USP43: variants seen among roughly 807,000 people sequenced by gnomAD.
The protein encoded by USP43 is ubiquitin specific peptidase 43, also known as ubiquitin carboxyl-terminal hydrolase 43.
A neutral mutation model predicts 90.7 loss-of-function variants in USP43; 33 were observed. The ratio of observed to expected loss-of-function variants is 0.36; its 90% confidence interval spans 0.28 to 0.49. The LOEUF (loss-of-function observed/expected upper bound fraction) is 0.49, where lower values mean the gene tolerates loss of function less well. Ranked by LOEUF, USP43 falls within the 20% of genes least tolerant of loss-of-function variation. The pLI, the probability that USP43 is intolerant of heterozygous loss-of-function variation, is 0.98. For missense variants in USP43, 1,274 were observed against 1,476.4 expected, an observed-to-expected ratio of 0.86 and a Z score of 2.25; for synonymous variants, 598 against 615.8, an observed-to-expected ratio of 0.97 and a Z score of 0.43.
chr17:9,712,868 C>T (rs1916287630), intron 14 of USP43, among the ~76,000 whole-genome samples: 1 of 152,084 alleles, frequency 6.6e-6, no homozygotes. Context: ...AATAATTGTA[C>T]ATATATTTGG....
At position 9,646,086 on chromosome 17, in the gene USP43, C is replaced by G; in HGVS notation, c.454C>G (p.Arg152Gly). The change falls in exon 1 of 15, where the codon CGC (arginine) becomes GGC (glycine). Residue 152 changes from arginine (R) to glycine (G), a missense_variant. Physicochemically the swap from Arg to Gly is moderately radical, Grantham distance 125. Coordinates refer to ENST00000285199, the MANE Select transcript of USP43 (RefSeq NM_153210.5). ...CACCGAGCAGCTGGCGGCGCTGGTG[C>G]GCGCGCTCTGGACTCGCGAATACAC... Reference protein sequence around the residue: ...EVTEQLAALVRALWTREYTPQ... With the variant: ...EVTEQLAALVGALWTREYTPQ... 1 of 1,505,226 alleles carries G rather than the reference C, an allele frequency of 6.6e-7. No individual in the cohort carries two copies. The highest frequency in any genetic ancestry group is 8.9e-7 in the Non-Finnish European group (1 of 1,127,586). The allele number at this position is 1,505,226 out of a possible 1,614,324, so 93.2% of individuals were successfully genotyped here.
intron 14 of USP43, among the ~76,000 whole-genome samples, chr17:9,724,666 G>A (rs1917161726): frequency 6.6e-6 from 1 of 152,230 alleles, no homozygotes; most frequent in Non-Finnish European, 1.5e-5. Flanking sequence ...GGGGACAAGA[G>A]CGAGACTCTG....
At chr17:9,649,382 AT>A (rs1330246686) in intron 1 of USP43, among the ~76,000 whole-genome samples, 2 of 151,800 alleles carry the variant, frequency 1.3e-5, no homozygotes, top group African/African-American at 4.8e-5. Context: ...TAAATTTTAT[AT>A]TTTTATTTTA....
At chr17:9,689,090 G>A (rs941715732) in intron 8 of USP43, among the ~76,000 whole-genome samples, 5 of 152,230 alleles carry the variant, frequency 3.3e-5, no homozygotes, top group East Asian at 1.9e-4. Flanking sequence ...ACAGATTCAC[G>A]GGTGAATGTA....
chr17:9,710,327 G>T (rs184153049), intron 13 of USP43, among the ~76,000 whole-genome samples: 1 of 152,080 alleles, frequency 6.6e-6, no homozygotes, highest in Non-Finnish European at 1.5e-5. Context: ...AAGGGGAAAA[G>T]AATAATTGTT....
At chr17:9,648,614 C>A (rs184917660) in intron 1 of USP43, among the ~76,000 whole-genome samples, 1 of 152,030 alleles carries the variant, frequency 6.6e-6, no homozygotes, top group Non-Finnish European at 1.5e-5. Flanking sequence ...GGTAACCAAC[C>A]GCTGAGTTGA....
chr17:9,701,372 GAA>G lies in USP43; in HGVS notation c.1684_1685del (p.Lys562ValfsTer21). The G allele has an allele frequency of 6.3e-7, 1 of 1,599,956 alleles. No homozygotes were observed. The highest frequency in any genetic ancestry group is 8.5e-7 in the Non-Finnish European group (1 of 1,173,562). ...TCCAGCTGGCCCAGGATGACGCCTG[GAA>G]GTGTCCTCACTGCCAAGTCCTGCAG... ...EEQLAQDDAW[K>X]CPHCQVLQQG... On this transcript the variant is annotated frameshift_variant, in exon 12 of 15. Transcript: ENST00000285199. LOFTEE classifies it high-confidence loss of function. The surrounding 1 kb of genome is among the most constrained non-coding windows in gnomAD (Gnocchi z 7.2).
rs577787620 is a variant in USP43 at position 9,728,402 on chromosome 17, G to T, written c.2784G>T (p.Lys928Asn). Residue 928 changes from lysine (K) to asparagine (N), a missense_variant, in exon 15 of 15, where the codon AAG (lysine) becomes AAT (asparagine). Coordinates refer to ENST00000285199, the MANE Select transcript of USP43 (RefSeq NM_153210.5). This position sits in a 1 kb window ranked among gnomAD's most constrained non-coding sequence, Gnocchi z 6.2. ...GGCAGGACATCAAGCTTCCCAGAAA[G>T]TTTGACCTGCCTCTCACTGTGATGC... Reference protein sequence around the residue: ...NAGQDIKLPRKFDLPLTVMPS... With the variant: ...NAGQDIKLPRNFDLPLTVMPS... 1.9e-6 allele frequency: 3 copies of T among 1,608,716 alleles called. No homozygotes were observed. In the East Asian group the frequency reaches 6.7e-5, roughly 36 times the overall value.
Position 9,691,448 on chromosome 17 carries a change from G to A in USP43, c.1354-1679G>A, listed in dbSNP as rs1046870241. Among the ~76,000 whole-genome samples, 12 of 152,134 alleles carry A rather than the reference G, an allele frequency of 7.9e-5. No homozygotes were observed. The East Asian group carries it at 2.3e-3, about 30-fold the overall frequency. On this transcript the variant is annotated intron_variant, in intron 8 of 14. Coordinates refer to ENST00000285199, the MANE Select transcript of USP43 (RefSeq NM_153210.5). ...CATTTTTAAGGCTAAATAATATTCTGTTGTGTATATATCCCACATTTTGTT... is the reference window on the plus strand; with the variant it reads ...CATTTTTAAGGCTAAATAATATTCTATTGTGTATATATCCCACATTTTGTT...
At chr17:9,650,844 A>T (rs896872218) in intron 1 of USP43, among the ~76,000 whole-genome samples, 1 of 152,154 alleles carries the variant, frequency 6.6e-6, no homozygotes. Flanking sequence ...GCATATTTTT[A>T]AAAATTTTAA....
At chr17:9,717,657 C>T (rs73259656) in intron 14 of USP43, among the ~76,000 whole-genome samples, 8,045 of 151,892 alleles carry the variant, frequency 0.053, 310 homozygotes, top group African/African-American at 0.1. Context: ...ATTGTCTGCA[C>T]GGTCTCAGTG....
At chr17:9,717,763 C>T (rs186445563) in intron 14 of USP43, among the ~76,000 whole-genome samples, 11 of 151,892 alleles carry the variant, frequency 7.2e-5, no homozygotes, top group Non-Finnish European at 1.2e-4. Context: ...AAATAATTAT[C>T]TTACTCGTTA....
chr17:9,666,792 C>G, intron 3 of USP43, 41 bp downstream of exon 3: 1 of 1,499,804 alleles, frequency 6.7e-7, no homozygotes, highest in Non-Finnish European at 9.2e-7. Flanking sequence ...CCCGAGGGCT[C>G]CGCAGACTCA....
chr17:9,728,769 C>G lies in USP43; in HGVS notation c.3151C>G (p.Leu1051Val), dbSNP rs765051778. 6.2e-7 allele frequency: 1 copy of G among 1,606,790 alleles called. No homozygotes were observed. Among genetic ancestry groups the G allele is most frequent in the Non-Finnish European group, 8.5e-7 (1 of 1,176,300 alleles). Residue 1051 changes from leucine to valine, a missense_variant, in exon 15 of 15, where the codon CTG becomes GTG. This residue lies in a region of USP43 where 353 missense variants were observed against 329.7 expected (regional missense o/e 1.07). Coordinates refer to ENST00000285199, the MANE Select transcript of USP43 (RefSeq NM_153210.5). The surrounding 1 kb of genome is among the most constrained non-coding windows in gnomAD (Gnocchi z 6.2). ...TCCTGCCCTCAGGATCCCAGAGGGC[C>G]TGGCCAGGGGCCTGGGCAGCCGGCT... is the stretch of plus-strand genomic sequence containing the variant. ...SPPALRIPEG[L>V]ARGLGSRLER...
chr17:9,674,745 T>G lies in USP43; in HGVS notation c.741-146T>G. The G allele has an allele frequency of 2.8e-6, 2 of 715,894 alleles. No individual in the cohort carries two copies. The highest frequency in any genetic ancestry group is 4.4e-5 in the Admixed American group (2 of 45,936). 44.3% of individuals were successfully genotyped at this position (715,894 alleles called of 1,614,324 possible). ...GCTATGAACACTTGTGTACAAGTAT[T>G]TGAACACCTGTTCTCAATTCTTCTG... On this transcript the variant is annotated intron_variant, in intron 3 of 14. Transcript: ENST00000285199. This position sits in a 1 kb window ranked among gnomAD's most constrained non-coding sequence, Gnocchi z 4.4.
chr17:9,724,386 A>G (rs1917140134), intron 14 of USP43, among the ~76,000 whole-genome samples: 1 of 152,188 alleles, frequency 6.6e-6, no homozygotes, highest in South Asian at 2.1e-4. Flanking sequence ...CGGCTCAAGA[A>G]ACATCATATG....
chr17:9,712,228 G>A (rs1030622840), intron 14 of USP43, 96 bp downstream of exon 14: 1 of 1,366,528 alleles, frequency 7.3e-7, no homozygotes, highest in Non-Finnish European at 9.6e-7. Context: ...AGTCTTGAAT[G>A]GAAAGGGTCC....
chr17:9,710,606 G>A (rs575327732), intron 13 of USP43, among the ~76,000 whole-genome samples: 26 of 144,930 alleles, frequency 1.8e-4, no homozygotes, highest in Non-Finnish European at 3.0e-4. Context: ...TTGGGTTCAA[G>A]CGATTCTCCT....
chr17:9,673,106 G>C lies in USP43; in HGVS notation c.741-1785G>C, dbSNP rs1317816259. Reference sequence around the variant, plus strand: ...CTGTGTCCTCAGCGAAGTTAATGTAGATTTTAGGATTAGTAACATAGCATG... The same window carrying C: ...CTGTGTCCTCAGCGAAGTTAATGTACATTTTAGGATTAGTAACATAGCATG... On this transcript the variant is annotated intron_variant, in intron 3 of 14. Coordinates refer to ENST00000285199, the MANE Select transcript of USP43 (RefSeq NM_153210.5). 2.0e-5 allele frequency among the ~76,000 whole-genome samples: 3 copies of C among 152,198 alleles called. No homozygotes were observed. The East Asian group carries it at 5.8e-4, about 29-fold the overall frequency.
Sources: allele counts gnomAD v4.1 joint callset (sites outside exome capture counted in the v4.1 genomes callset), GRCh38; gene constraint gnomAD v4.1.1; regional missense constraint gnomAD v4.1.1; non-coding constraint Gnocchi (gnomAD v3.1); transcripts MANE v1.5; gene names NCBI Gene and HGNC (gene_info 2026-07-23, HGNC 2026-07-21).